Variants in SYNDIG1 observed in about 807,000 individuals in gnomAD.
The protein encoded by SYNDIG1 is synapse differentiation-inducing gene protein 1.
A neutral mutation model predicts 19.4 loss-of-function variants in SYNDIG1; 9 were observed. The observed-to-expected ratio is 0.46, with a 90% CI of 0.28 to 0.81. SYNDIG1 has a LOEUF of 0.81. Ranked by LOEUF, SYNDIG1 falls within the 30% of genes least tolerant of loss-of-function variation. The pLI is 0.12. For missense variants in SYNDIG1, 311 were observed against 343.3 expected (o/e 0.91, Z 0.74); for synonymous variants, 141 against 145.9 (o/e 0.97, Z 0.24).
chr20:24,552,599 G>T, intron 2 of SYNDIG1, among the ~76,000 whole-genome samples: 1 of 151,890 alleles, frequency 6.6e-6, no homozygotes, highest in Non-Finnish European at 1.5e-5. Flanking sequence ...TGAGAATGAT[G>T]ATTTCCAATT....
intron 1 of SYNDIG1, among the ~76,000 whole-genome samples, chr20:24,511,416 G>A (rs938308409): frequency 6.6e-6 from 1 of 152,180 alleles, no homozygotes; most frequent in Non-Finnish European, 1.5e-5. Flanking sequence ...CCAGCACCAG[G>A]CCAATGGGAC....
chr20:24,522,954 G>A (rs1321164724), intron 1 of SYNDIG1, among the ~76,000 whole-genome samples: 1 of 152,184 alleles, frequency 6.6e-6, no homozygotes, highest in Non-Finnish European at 1.5e-5. Flanking sequence ...AGCCCTTCAT[G>A]AGGAATTCAC....
Position 24,638,518 on chromosome 20 carries a change from C to T in SYNDIG1, c.619-26828C>T, listed in dbSNP as rs531816855. ...GACTACAAACATGTACCACCATGCC[C>T]GGTGAATTTTTTGTATTTTTTTTAA... On this transcript the variant is annotated intron_variant, in intron 3 of 3. Transcript: ENST00000376862. Among the ~76,000 whole-genome samples the T allele has an allele frequency of 7.2e-5, 11 of 152,032 alleles. No individual in the cohort carries two copies. The South Asian group carries it at 2.1e-3, about 29-fold the overall frequency.
At chr20:24,607,627 C>T (rs952318232) in intron 3 of SYNDIG1, among the ~76,000 whole-genome samples, 3 of 152,198 alleles carry the variant, frequency 2.0e-5, no homozygotes, top group African/African-American at 7.2e-5. Context: ...GCCTCGGGCT[C>T]CCCCTCTCCC....
chr20:24,605,561 A>G (rs973805684), intron 3 of SYNDIG1, among the ~76,000 whole-genome samples: 2 of 152,202 alleles, frequency 1.3e-5, no homozygotes, highest in African/African-American at 4.8e-5. Flanking sequence ...TGCAGCCAAG[A>G]CAAATCAGAT....
At chr20:24,546,525 G>A (rs8123552) in intron 2 of SYNDIG1, among the ~76,000 whole-genome samples, 3,561 of 152,276 alleles carry the variant, frequency 0.023, 86 homozygotes, top group Admixed American at 0.072. Flanking sequence ...AGTGACAGAG[G>A]TAACTGCATC....
At chr20:24,624,199 T>G (rs2059084121) in intron 3 of SYNDIG1, among the ~76,000 whole-genome samples, 1 of 141,990 alleles carries the variant, frequency 7.0e-6, no homozygotes, top group Non-Finnish European at 1.5e-5. Context: ...GAGCTTGCAA[T>G]GAGCCGAGAT....
chr20:24,598,571 G>T (rs923002051), intron 3 of SYNDIG1, among the ~76,000 whole-genome samples: 1 of 152,198 alleles, frequency 6.6e-6, no homozygotes, highest in Non-Finnish European at 1.5e-5. Context: ...GGACTGGGTG[G>T]GGCCCACAGT....
rs536379337 is a variant in SYNDIG1, at chr20:24,640,015, A to C, written c.619-25331A>C. 1.2e-4 allele frequency among the ~76,000 whole-genome samples: 19 copies of C among 152,304 alleles called. 2 individuals are homozygous for C. Among genetic ancestry groups the C allele is most frequent in the Admixed American group, 3.3e-4 (5 of 15,290 alleles). ...ACATATTTTTTCAGTTTTGTGCTTA[A>C]ATCTTTATTCTTGTTTCTTAAGAAA... is the stretch of plus-strand genomic sequence containing the variant. On this transcript the variant is annotated intron_variant, in intron 3 of 3. Transcript: ENST00000376862.
At position 24,584,937 on chromosome 20, in the gene SYNDIG1, T is replaced by C; in HGVS notation, c.562T>C (p.Ser188Pro). Residue 188 changes from serine to proline, a missense_variant, in exon 3 of 4, where the codon TCC becomes CCC. Physicochemically the swap from Ser to Pro is moderately conservative, Grantham distance 74. Coordinates refer to ENST00000376862, the MANE Select transcript of SYNDIG1 (RefSeq NM_024893.3). ...PRDHLGLSVF[S>P]MLCCFWPLGI... is the part of the protein sequence containing the mutation. ...GGACCACCTGGGCCTCAGTGTCTTC[T>C]CCATGCTCTGCTGCTTCTGGCCTCT... is the stretch of plus-strand genomic sequence containing the variant. The C allele has an allele frequency of 6.2e-7, 1 of 1,613,864 alleles. No individual in the cohort carries two copies. The highest frequency in any genetic ancestry group is 8.5e-7 in the Non-Finnish European group (1 of 1,180,014).
At chr20:24,518,528 A>C (rs1405962207) in intron 1 of SYNDIG1, among the ~76,000 whole-genome samples, 1 of 152,180 alleles carries the variant, frequency 6.6e-6, no homozygotes, top group African/African-American at 2.4e-5. Flanking sequence ...GCTAAATTGC[A>C]CTTTTTGTCT....
intron 2 of SYNDIG1, among the ~76,000 whole-genome samples, chr20:24,561,774 C>T (rs1039949208): frequency 9.2e-5 from 14 of 152,186 alleles, no homozygotes; most frequent in Admixed American, 2.6e-4. Flanking sequence ...AAGCGCTGGG[C>T]GTGCATTTCC....
chr20:24,484,513 T>G (rs1320576854), intron 1 of SYNDIG1, among the ~76,000 whole-genome samples: 1 of 152,132 alleles, frequency 6.6e-6, no homozygotes, highest in Non-Finnish European at 1.5e-5. Context: ...CCACACTCCT[T>G]CTGTTCAGGG....
chr20:24,580,283 C>T (rs2146995250), intron 2 of SYNDIG1, among the ~76,000 whole-genome samples: 1 of 152,310 alleles, frequency 6.6e-6, no homozygotes, highest in East Asian at 1.9e-4. Flanking sequence ...CGTCTCCTCT[C>T]CTTCCTCGCG....
intron 1 of SYNDIG1, among the ~76,000 whole-genome samples, chr20:24,524,198 A>G (rs1171919747): frequency 6.6e-6 from 1 of 152,106 alleles, no homozygotes. Context: ...GTCCATGTGC[A>G]TGGTTTTGAT....
At chr20:24,517,304 A>T (rs1312553851) in intron 1 of SYNDIG1, among the ~76,000 whole-genome samples, 4 of 148,928 alleles carry the variant, frequency 2.7e-5, no homozygotes, top group African/African-American at 1.0e-4. Context: ...GTATAATAAA[A>T]AAAAAAATAA....
At chr20:24,509,653 G>A (rs2056690942) in intron 1 of SYNDIG1, among the ~76,000 whole-genome samples, 1 of 152,054 alleles carries the variant, frequency 6.6e-6, no homozygotes, top group South Asian at 2.1e-4. Context: ...TTAATGAATG[G>A]CTGTTAGTGG....
At chr20:24,510,171 C>G (rs2056706557) in intron 1 of SYNDIG1, among the ~76,000 whole-genome samples, 1 of 152,148 alleles carries the variant, frequency 6.6e-6, no homozygotes, top group Non-Finnish European at 1.5e-5. Flanking sequence ...TATAAATTAC[C>G]TAGTATTTCT....
intron 1 of SYNDIG1, among the ~76,000 whole-genome samples, chr20:24,512,432 C>T: frequency 6.6e-6 from 1 of 151,864 alleles, no homozygotes; most frequent in Non-Finnish European, 1.5e-5. Context: ...AATCAGGTCC[C>T]TCCCACCCTA....
Sources: gnomAD v4.1 joint callset for allele counts (sites outside exome capture counted in the v4.1 genomes callset) on GRCh38, gnomAD v4.1.1 for gene constraint, MANE v1.5 for transcripts, NCBI Gene and HGNC (gene_info 2026-07-23, HGNC 2026-07-21) for gene names.